Variants in GALNTL6 observed in about 807,000 individuals in gnomAD.
GALNTL6 encodes the protein polypeptide N-acetylgalactosaminyltransferase like 6.
In GALNTL6, 46 loss-of-function variants were observed where a neutral mutation model predicts 73.7. The ratio of observed to expected loss-of-function variants is 0.62; its 90% CI spans 0.49 to 0.80. GALNTL6 has a LOEUF of 0.80. Ranked by LOEUF, GALNTL6 falls within the 30% of genes least tolerant of loss-of-function variation. The pLI is 0.00. For missense variants in GALNTL6, 604 were observed against 755.0 expected (o/e 0.80, Z 2.34); for synonymous variants, 259 against 263.7 (o/e 0.98, Z 0.17).
chr4:172,206,820 T>TG (rs1350970606), intron 2 of GALNTL6, among the ~76,000 whole-genome samples: 1,362 of 73,900 alleles, frequency 0.018, 121 homozygotes, highest in African/African-American at 0.051. Flanking sequence ...TTTTGTTTGT[T>TG]TTTTTTTTTT....
At chr4:172,471,179 A>G (rs1382484519) in intron 5 of GALNTL6, among the ~76,000 whole-genome samples, 3 of 152,200 alleles carry the variant, frequency 2.0e-5, no homozygotes, top group Non-Finnish European at 4.4e-5. Context: ...ATGGGGCAGC[A>G]GGAAGCCTCC....
intron 5 of GALNTL6, among the ~76,000 whole-genome samples, chr4:172,486,253 G>A (rs567759789): frequency 1.3e-5 from 2 of 152,200 alleles, no homozygotes; most frequent in African/African-American, 2.4e-5. Context: ...GCAGATCAGT[G>A]TGTGAGAAAC....
At chr4:172,915,553 T>A (rs986213518) in intron 8 of GALNTL6, among the ~76,000 whole-genome samples, 1 of 151,994 alleles carries the variant, frequency 6.6e-6, no homozygotes, top group Admixed American at 6.6e-5. Context: ...CAGTAAAAAA[T>A]GATGAAGGGG....
chr4:172,774,258 G>C (rs950704991), intron 5 of GALNTL6, among the ~76,000 whole-genome samples: 1 of 152,130 alleles, frequency 6.6e-6, no homozygotes, highest in Non-Finnish European at 1.5e-5. Flanking sequence ...TTGAGAAGAC[G>C]TTCTGTGTCT....
At chr4:172,642,819 C>T (rs1740052553) in intron 5 of GALNTL6, among the ~76,000 whole-genome samples, 1 of 151,722 alleles carries the variant, frequency 6.6e-6, no homozygotes, top group Non-Finnish European at 1.5e-5. Context: ...ATTATATACA[C>T]CATAAATATA....
rs539301141 is a variant in GALNTL6 at position 171,845,221 on chromosome 4, G to A, written c.138+30503G>A. On this transcript the variant is annotated intron_variant, in intron 2 of 12. Coordinates refer to ENST00000506823, the MANE Select transcript of GALNTL6 (RefSeq NM_001034845.3). ...CATTCAAAATTATCCCGTTTGATTG[G>A]ATAATTGCATCTGGAGGACAAAATT... Among the ~76,000 whole-genome samples the A allele has an allele frequency of 2.6e-5, 4 of 152,200 alleles. No homozygotes were observed. The South Asian group carries it at 8.3e-4, about 32-fold the overall frequency.
At chr4:172,704,545 A>T (rs1009897472) in intron 5 of GALNTL6, among the ~76,000 whole-genome samples, 2 of 151,944 alleles carry the variant, frequency 1.3e-5, no homozygotes, top group African/African-American at 4.8e-5. Context: ...GTTTTATTCA[A>T]TTATGGTCAG....
At chr4:172,773,539 T>G (rs552975241) in intron 5 of GALNTL6, among the ~76,000 whole-genome samples, 3 of 152,166 alleles carry the variant, frequency 2.0e-5, no homozygotes, top group Non-Finnish European at 4.4e-5. Context: ...ATCATGGTAC[T>G]GTGACATTGT....
rs546707404 is a variant in GALNTL6, at chr4:172,011,996, G to A, written c.138+197278G>A. Reference sequence around the variant, plus strand: ...AGAATTTTTTAAAAAGTGCAAGCCTGCTTATTGATTTGTCATTTCAGGTGG... The same window carrying A: ...AGAATTTTTTAAAAAGTGCAAGCCTACTTATTGATTTGTCATTTCAGGTGG... On this transcript the variant is annotated intron_variant, in intron 2 of 12. Coordinates refer to ENST00000506823, the MANE Select transcript of GALNTL6 (RefSeq NM_001034845.3). Among the ~76,000 whole-genome samples, 5 of 152,022 alleles carry A rather than the reference G, an allele frequency of 3.3e-5. No homozygotes were observed. In the South Asian group the frequency reaches 6.2e-4, roughly 19 times the overall value.
At chr4:172,429,918 T>C (rs965791916) in intron 5 of GALNTL6, among the ~76,000 whole-genome samples, 11 of 152,150 alleles carry the variant, frequency 7.2e-5, no homozygotes, top group African/African-American at 2.7e-4. Context: ...ATGCCTTTGC[T>C]TATCTCAGAA....
chr4:172,237,666 G>A (rs1395680480), intron 3 of GALNTL6, among the ~76,000 whole-genome samples: 8 of 152,004 alleles, frequency 5.3e-5, no homozygotes, highest in Non-Finnish European at 8.8e-5. Context: ...ATTTGCCAGA[G>A]CTTAAGTCTA....
chr4:172,524,494 T>C (rs896281893), intron 5 of GALNTL6, among the ~76,000 whole-genome samples: 1 of 152,160 alleles, frequency 6.6e-6, no homozygotes, highest in Non-Finnish European at 1.5e-5. Context: ...TCATTCTCAT[T>C]ACTGCATAGC....
intron 2 of GALNTL6, among the ~76,000 whole-genome samples, chr4:172,060,119 A>G (rs929059904): frequency 1.3e-5 from 2 of 152,208 alleles, no homozygotes; most frequent in African/African-American, 4.8e-5. Flanking sequence ...GTAATTCACC[A>G]GGAGAGAAAA....
chr4:172,931,131 TTG>T (rs1561040312), intron 8 of GALNTL6, 28 bp from the exon 9 acceptor site: 1 of 1,159,620 alleles, frequency 8.6e-7, no homozygotes, highest in Admixed American at 1.7e-5. Flanking sequence ...AAATTCACTG[TTG>T]TCTTTTGTTC....
chr4:172,183,452 G>A (rs1345156521), intron 2 of GALNTL6, among the ~76,000 whole-genome samples: 1 of 152,174 alleles, frequency 6.6e-6, no homozygotes, highest in African/African-American at 2.4e-5. Context: ...TGAATAATAT[G>A]TAATTTATTA....
At chr4:172,803,848 AT>A (rs1740803169) in intron 5 of GALNTL6, among the ~76,000 whole-genome samples, 1 of 152,244 alleles carries the variant, frequency 6.6e-6, no homozygotes, top group Admixed American at 6.5e-5. Context: ...ACTAGAAGCA[AT>A]TAAACATGGT....
chr4:171,871,351 T>C (rs1736131378), intron 2 of GALNTL6, among the ~76,000 whole-genome samples: 1 of 152,238 alleles, frequency 6.6e-6, no homozygotes, highest in Non-Finnish European at 1.5e-5. Flanking sequence ...TATGTGAATG[T>C]GATCTCAGAT....
chr4:172,330,237 C>T (rs534596667), intron 4 of GALNTL6, among the ~76,000 whole-genome samples: 9 of 152,312 alleles, frequency 5.9e-5, no homozygotes, highest in South Asian at 2.1e-4. Context: ...TGTGCCTGAG[C>T]GGCCACTAAG....
rs1034940019 is a variant in GALNTL6, at chr4:172,067,478, G to A, written c.139-162178G>A. On this transcript the variant is annotated intron_variant, in intron 2 of 12. Coordinates refer to ENST00000506823, the MANE Select transcript of GALNTL6 (RefSeq NM_001034845.3). ...GATTTCCCAGCAGACCACCAGATGT[G>A]TATATAGCCATCTACTTGGCCTCTG... is the stretch of plus-strand genomic sequence containing the variant. Among the ~76,000 whole-genome samples the A allele has an allele frequency of 2.0e-4, 30 of 147,402 alleles. 5 individuals are homozygous for A. Among genetic ancestry groups the A allele is most frequent in the African/African-American group, 7.6e-4 (30 of 39,634 alleles).
Sources: allele counts gnomAD v4.1 joint callset (sites outside exome capture counted in the v4.1 genomes callset), GRCh38; gene constraint gnomAD v4.1.1; transcripts MANE v1.5; gene names NCBI Gene and HGNC (gene_info 2026-07-23, HGNC 2026-07-21).